Variants in CD300LF observed in about 807,000 individuals in gnomAD.
CD300LF encodes CMRF35-like molecule 1.
Under a neutral mutation model 32.2 loss-of-function variants are expected in CD300LF, and 27 were observed. That is an observed-to-expected ratio of 0.84 (90% confidence interval 0.62 to 1.15). CD300LF has a LOEUF of 1.15. CD300LF is among the 50% of genes most tolerant of loss of function. The probability of loss-of-function intolerance (pLI) is 0.00; values close to 1 mark genes in which losing one functional copy is unlikely to be tolerated. For missense variants in CD300LF, 348 were observed against 356.8 expected, an observed-to-expected ratio of 0.98 and a Z score of 0.20; for synonymous variants, 139 against 143.2, an observed-to-expected ratio of 0.97 and a Z score of 0.21.
At chr17:74,711,915 T>C (rs988814924) in intron 1 of CD300LF, among the ~76,000 whole-genome samples, 1 of 149,162 alleles carries the variant, frequency 6.7e-6, no homozygotes, top group Non-Finnish European at 1.5e-5. Flanking sequence ...TCTTTTTTTT[T>C]TTTTTTTGAA....
At chr17:74,697,070 T>C (rs2032556164) in intron 4 of CD300LF, among the ~76,000 whole-genome samples, 1 of 152,150 alleles carries the variant, frequency 6.6e-6, no homozygotes, top group Admixed American at 6.5e-5. Flanking sequence ...GCCTCCTGAG[T>C]AGCTGGAACT....
At position 74,703,373 on chromosome 17, in the gene CD300LF, G is replaced by T. The variant is rs567827213; in HGVS notation, c.383-275C>A. Among the ~76,000 whole-genome samples the T allele has an allele frequency of 1.5e-4, 23 of 152,222 alleles. 1 individual carries two copies. Among genetic ancestry groups the T allele is most frequent in the Admixed American group, 1.1e-3 (17 of 15,296 alleles). On this transcript the variant is annotated intron_variant, in intron 2 of 6. Coordinates refer to ENST00000326165, the MANE Select transcript of CD300LF (RefSeq NM_139018.5). ...AGGACGCTGAGCTGGCCCTGGGAGG[G>T]TTAGAGGGGGCTGGGAAGAGCCTAA...
rs2032241239 is a variant in CD300LF at position 74,694,383 on chromosome 17, A to G, written c.*713T>C. The G allele has an allele frequency of 6.6e-6, 1 of 152,180 alleles. No individual in the cohort carries two copies. The highest frequency in any genetic ancestry group is 6.5e-5 in the Admixed American group (1 of 15,276). The allele number at this position is 152,180 out of a possible 1,614,324, so 9.4% of individuals were successfully genotyped here. On this transcript the variant is annotated 3_prime_UTR_variant, in exon 7 of 7. Transcript: ENST00000326165. ...GGCCAGGAGCTCAAGATCAGTTTCA[A>G]TGGGCTCAAGTCAAGGCGTGGGCAG...
chr17:74,706,379 T>C (rs1022627683), intron 1 of CD300LF, among the ~76,000 whole-genome samples: 2 of 149,584 alleles, frequency 1.3e-5, no homozygotes, highest in African/African-American at 4.9e-5. Flanking sequence ...TATTTCCCTG[T>C]ATCCGGAATC....
At chr17:74,699,834 C>T (rs1213591223) in intron 3 of CD300LF, among the ~76,000 whole-genome samples, 1 of 152,096 alleles carries the variant, frequency 6.6e-6, no homozygotes, top group Non-Finnish European at 1.5e-5. Flanking sequence ...AAGCACACCC[C>T]TCTCTTTCTC....
intron 2 of CD300LF, 71 bp downstream of exon 2, chr17:74,704,407 T>C: frequency 9.0e-7 from 1 of 1,109,882 alleles, no homozygotes; most frequent in East Asian, 2.4e-5. Flanking sequence ...ATTAAATCAC[T>C]TGAGTAGGAC....
intron 3 of CD300LF, among the ~76,000 whole-genome samples, chr17:74,701,376 A>G (rs2033036567): frequency 6.6e-6 from 1 of 152,214 alleles, no homozygotes; most frequent in Non-Finnish European, 1.5e-5. Context: ...CTCAAGAGTT[A>G]TGTGTTAAAT....
At chr17:74,709,158 A>C (rs2033770402) in intron 1 of CD300LF, among the ~76,000 whole-genome samples, 1 of 151,764 alleles carries the variant, frequency 6.6e-6, no homozygotes, top group Non-Finnish European at 1.5e-5. Context: ...CAGGAGGCGG[A>C]GGTTGCAGTG....
chr17:74,696,010 C>G, intron 5 of CD300LF, 151 bp from the exon 6 acceptor site: 1 of 1,253,364 alleles, frequency 8.0e-7, no homozygotes, highest in East Asian at 2.3e-5. Context: ...GGCTCCTGTA[C>G]CCCTCAGCCC....
At chr17:74,704,963 T>A in intron 1 of CD300LF, 147 bp from the exon 2 acceptor site, 1 of 666,858 alleles carries the variant, frequency 1.5e-6, no homozygotes, top group South Asian at 1.9e-5. Context: ...AAAACTTTTG[T>A]CCTTCAGCTT....
In CD300LF at chr17:74,704,604, G is replaced by C. The variant is rs1434035842; in HGVS notation, c.256C>G (p.Gln86Glu). 6.2e-7 allele frequency: 1 copy of C among 1,614,160 alleles called. No homozygotes were observed. Among genetic ancestry groups the C allele is most frequent in the Non-Finnish European group, 8.5e-7 (1 of 1,180,034 alleles). Reference protein sequence around the residue: ...KRDRVSIKDNQKNRTFTVTME... With the variant: ...KRDRVSIKDNEKNRTFTVTME... ...GTCACAGTGAACGTGCGGTTTTTCT[G>C]ATTGTCCTTGATGGACACCCGGTCC... Residue 86 changes from glutamine (Q) to glutamate (E), a missense_variant, in exon 2 of 7, where the codon CAG (glutamine) becomes GAG (glutamate). Coordinates refer to ENST00000326165, the MANE Select transcript of CD300LF (RefSeq NM_139018.5).
chr17:74,700,133 C>A (rs1310532545), intron 3 of CD300LF, among the ~76,000 whole-genome samples: 1 of 146,336 alleles, frequency 6.8e-6, no homozygotes, highest in African/African-American at 2.5e-5. Context: ...CAGAGCAAGA[C>A]CCTGTCTCAA....
At chr17:74,697,515 G>A (rs1483547470) in intron 4 of CD300LF, among the ~76,000 whole-genome samples, 1 of 152,210 alleles carries the variant, frequency 6.6e-6, no homozygotes, top group Admixed American at 6.5e-5. Context: ...AACTAACAGA[G>A]AGTCAGGCTC....
intron 4 of CD300LF, among the ~76,000 whole-genome samples, chr17:74,696,646 C>T (rs1168731384): frequency 6.6e-6 from 1 of 152,220 alleles, no homozygotes; most frequent in Non-Finnish European, 1.5e-5. Flanking sequence ...GTCTAATCCC[C>T]CTCCCGGGCC....
At chr17:74,695,299 G>C (rs201328161) in intron 6 of CD300LF, 48 bp from the exon 7 acceptor site, 1 of 1,606,928 alleles carries the variant, frequency 6.2e-7, no homozygotes. Flanking sequence ...AGGAAGTGAC[G>C]GTCACGGGGC....
chr17:74,706,562 G>A (rs1452083582), intron 1 of CD300LF, among the ~76,000 whole-genome samples: 1 of 152,076 alleles, frequency 6.6e-6, no homozygotes, highest in Non-Finnish European at 1.5e-5. Context: ...CAGCTACTCG[G>A]GAGGCTGAGG....
chr17:74,710,121 G>A (rs2033838761), intron 1 of CD300LF, among the ~76,000 whole-genome samples: 1 of 152,062 alleles, frequency 6.6e-6, no homozygotes, highest in Non-Finnish European at 1.5e-5. Context: ...TGGGACTACA[G>A]GCGCCCACCA....
intron 1 of CD300LF, among the ~76,000 whole-genome samples, chr17:74,705,973 C>G (rs536226719): frequency 2.6e-5 from 4 of 152,152 alleles, no homozygotes; most frequent in Non-Finnish European, 5.9e-5. Context: ...GGCCATTATC[C>G]TAAGTGAATT....
At chr17:74,701,847 C>CAAA (rs11321122) in intron 3 of CD300LF, among the ~76,000 whole-genome samples, 3 of 86,670 alleles carry the variant, frequency 3.5e-5, no homozygotes, top group Admixed American at 2.4e-4. Flanking sequence ...GAGAATCCGT[C>CAAA]AAAAAAAAAA....
Sources: gnomAD v4.1 joint callset for allele counts (sites outside exome capture counted in the v4.1 genomes callset) on GRCh38, gnomAD v4.1.1 for gene constraint, MANE v1.5 for transcripts, NCBI Gene and HGNC (gene_info 2026-07-23, HGNC 2026-07-21) for gene names.